CEMIP2: variants seen among roughly 807,000 people sequenced by gnomAD.
The protein encoded by CEMIP2 is cell migration inducing hyaluronidase 2.
A neutral mutation model predicts 146.9 loss-of-function variants in CEMIP2; 79 were observed. The observed-to-expected ratio is 0.54, with a 90% confidence interval of 0.45 to 0.65. The LOEUF (loss-of-function observed/expected upper bound fraction) is 0.65, where lower values mean the gene tolerates loss of function less well. CEMIP2 is among the 30% of genes least tolerant of loss of function. The pLI is 0.00. For synonymous variants in CEMIP2, 601 were observed against 606.3 expected (o/e 0.99, Z 0.13); for missense variants, 1,596 against 1,696.2 (o/e 0.94, Z 1.04).
rs1491360011 is a variant in CEMIP2 at position 71,728,302 on chromosome 9, CATATATATATATAT to C, written c.2049+1529_2049+1542del. Among the ~76,000 whole-genome samples, 10 of 11,568 alleles carry C rather than the reference CATATATATATATAT, an allele frequency of 8.6e-4. 2 individuals are homozygous for C. The highest frequency in any genetic ancestry group is 5.2e-3 in the Admixed American group (3 of 572). The allele number at this position is 11,568 out of a possible 152,430, so 7.6% of individuals were successfully genotyped here. On this transcript the variant is annotated intron_variant, in intron 10 of 23. Transcript: ENST00000377044. ...ATATGTATATATATATATATATATACATATATATATATATACGTATATATATATATCTCAGCAGG... is the reference window on the plus strand; with the variant it reads ...ATATGTATATATATATATATATATACACGTATATATATATATCTCAGCAGG...
chr9:71,691,420 G>GGAAAA (rs1235214168), intron 21 of CEMIP2, among the ~76,000 whole-genome samples: 17 of 127,044 alleles, frequency 1.3e-4, no homozygotes, highest in African/African-American at 4.7e-4. Flanking sequence ...TCTGTCTCAG[G>GGAAAA]AAAAAAAAAA....
intron 5 of CEMIP2, among the ~76,000 whole-genome samples, chr9:71,736,125 AC>A (rs1435162137): frequency 6.6e-6 from 1 of 152,098 alleles, no homozygotes; most frequent in Non-Finnish European, 1.5e-5. Context: ...GTCTCAGAAA[AC>A]CCTTCATCTC....
intron 12 of CEMIP2, among the ~76,000 whole-genome samples, chr9:71,721,402 T>A (rs1380013386): frequency 2.0e-5 from 3 of 152,214 alleles, no homozygotes; most frequent in Non-Finnish European, 4.4e-5. Context: ...GGTATCCAGT[T>A]CTTTGTGTTT....
intron 20 of CEMIP2, among the ~76,000 whole-genome samples, chr9:71,694,873 C>T (rs961151273): frequency 5.3e-5 from 8 of 152,046 alleles, no homozygotes; most frequent in African/African-American, 1.9e-4. Context: ...AATAAATGTG[C>T]TTTATATTTA....
chr9:71,769,111 C>T (rs966251879), upstream of CEMIP2, among the ~76,000 whole-genome samples: 11 of 152,272 alleles, frequency 7.2e-5, 1 homozygote, highest in East Asian at 5.8e-4. Flanking sequence ...GCGCCCCCCG[C>T]TGCGGCTGCA....
At chr9:71,699,462 A>AG (rs1554681071) in intron 19 of CEMIP2, 14 of 420,320 alleles carry the variant, frequency 3.3e-5, no homozygotes, top group East Asian at 2.1e-4. Flanking sequence ...TAAAAAAAAA[A>AG]AAAGAAAGAA....
chr9:71,723,270 G>T (rs147727367), intron 11 of CEMIP2, among the ~76,000 whole-genome samples: 1 of 151,488 alleles, frequency 6.6e-6, no homozygotes, highest in East Asian at 1.9e-4. Flanking sequence ...AGGACAATAG[G>T]AATTTAATAA....
chr9:71,693,945 G>A (rs1822307314), intron 21 of CEMIP2, among the ~76,000 whole-genome samples: 1 of 152,126 alleles, frequency 6.6e-6, no homozygotes. Flanking sequence ...TATAAAAGAA[G>A]GCTGAGAGAG....
chr9:71,711,914 C>A (rs1441570900), intron 16 of CEMIP2, among the ~76,000 whole-genome samples, 169 bp downstream of exon 16: 2 of 152,208 alleles, frequency 1.3e-5, no homozygotes, highest in African/African-American at 4.8e-5. Context: ...CTGTTCTCCC[C>A]TTGAACTCAA....
At chr9:71,758,921 C>G (rs1048547190) in intron 1 of CEMIP2, among the ~76,000 whole-genome samples, 3 of 152,202 alleles carry the variant, frequency 2.0e-5, no homozygotes, top group African/African-American at 7.2e-5. Context: ...GCGCTTTTGT[C>G]TTTTTCCTTC....
intron 14 of CEMIP2, 148 bp from the exon 15 acceptor site, chr9:71,715,237 C>CT (rs34322815): frequency 0.032 from 7,480 of 231,378 alleles, 138 homozygotes; most frequent in South Asian, 0.06. Context: ...TCAGAAACTG[C>CT]TTTTTTTTTT....
intron 12 of CEMIP2, among the ~76,000 whole-genome samples, 197 bp downstream of exon 12, chr9:71,722,230 T>C (rs1205800108): frequency 6.6e-6 from 1 of 152,204 alleles, no homozygotes; most frequent in Non-Finnish European, 1.5e-5. Context: ...CATCAACCTC[T>C]TTAGTATTTC....
Position 71,690,211 on chromosome 9 carries a change from G to T in CEMIP2, c.3732C>A (p.Gly1244=), listed in dbSNP as rs780947642. The T allele has an allele frequency of 3.1e-6, 5 of 1,614,114 alleles. 1 individual carries two copies. The Middle Eastern group carries it at 6.6e-4, about 213-fold the overall frequency. The stretch of plus-strand genomic sequence containing the variant: ...ACGGATCCACAACAAGGAGGAGGAC[G>T]CCTGCACTTCGGAAGGTAAAGTCAG... ...NGTDFTFRSA[G]VLLLVVDPCS... The change falls in exon 22 of 24, where the codon GGC becomes GGA. Residue 1244 remains glycine (G), a synonymous_variant. Coordinates refer to ENST00000377044, the MANE Select transcript of CEMIP2 (RefSeq NM_013390.3).
intron 11 of CEMIP2, 134 bp downstream of exon 11, chr9:71,725,447 T>C (rs1288725629): frequency 2.1e-6 from 2 of 944,978 alleles, no homozygotes; most frequent in Admixed American, 2.7e-5. Context: ...GCCAAATAAA[T>C]TGCTGCTCAT....
chr9:71,705,056 C>T (rs574873125), intron 17 of CEMIP2: 2 of 428,546 alleles, frequency 4.7e-6, no homozygotes, highest in African/African-American at 2.0e-5. Context: ...TACAGGCCAG[C>T]TTATTCATCA....
At chr9:71,734,045 A>G (rs576053749) in intron 6 of CEMIP2, among the ~76,000 whole-genome samples, 1 of 151,918 alleles carries the variant, frequency 6.6e-6, no homozygotes, top group South Asian at 2.1e-4. Context: ...ATGGGGTTTC[A>G]CCGTATGGGC....
intron 14 of CEMIP2, among the ~76,000 whole-genome samples, 159 bp from the exon 15 acceptor site, chr9:71,715,248 T>C (rs1341980833): frequency 6.8e-6 from 1 of 147,822 alleles, no homozygotes; most frequent in East Asian, 2.0e-4. Flanking sequence ...TTTTTTTTTT[T>C]TTTTTTTTTT....
At chr9:71,726,527 T>C (rs12347466) in intron 10 of CEMIP2, among the ~76,000 whole-genome samples, 2,332 of 152,284 alleles carry the variant, frequency 0.015, 53 homozygotes, top group African/African-American at 0.052. Context: ...GCCCACTATA[T>C]GCCAGGTATA....
At chr9:71,744,145 C>T (rs1234636441) in intron 4 of CEMIP2, among the ~76,000 whole-genome samples, 4 of 151,994 alleles carry the variant, frequency 2.6e-5, no homozygotes, top group African/African-American at 9.7e-5. Context: ...GAGGGTGAGG[C>T]AGGAGGATCA....
Sources: gnomAD v4.1 joint callset for allele counts (sites outside exome capture counted in the v4.1 genomes callset) on GRCh38, gnomAD v4.1.1 for gene constraint, MANE v1.5 for transcripts, NCBI Gene and HGNC (gene_info 2026-07-23, HGNC 2026-07-21) for gene names.